The following EXOC6 variants were observed in gnomAD, a reference collection of about 807,000 sequenced individuals.
EXOC6 encodes SEC15-like 1.
EXOC6 carries 60 observed loss-of-function variants against 112.5 expected under a neutral mutation model. That is an observed-to-expected ratio of 0.53 (90% CI 0.43 to 0.66). The LOEUF is 0.66. EXOC6 is among the 30% of genes least tolerant of loss of function. The probability of loss-of-function intolerance (pLI) is 0.00; values close to 1 mark genes in which losing one functional copy is unlikely to be tolerated. For synonymous variants in EXOC6, 295 were observed against 308.0 expected (o/e 0.96, Z 0.44); for missense variants, 855 against 957.1 (o/e 0.89, Z 1.41).
At chr10:92,956,347 T>C (rs1171037422) in intron 17 of EXOC6, among the ~76,000 whole-genome samples, 1 of 152,128 alleles carries the variant, frequency 6.6e-6, no homozygotes, top group Non-Finnish European at 1.5e-5. Context: ...TGATAAACCA[T>C]GTACTGATCA....
chr10:93,045,990 GATGT>G (rs1161636472), intron 20 of EXOC6, among the ~76,000 whole-genome samples: 7 of 152,300 alleles, frequency 4.6e-5, no homozygotes, highest in African/African-American at 1.7e-4. Context: ...AAAATTCAGA[GATGT>G]CTTAATTACT....
chr10:92,895,699 T>C (rs951926849), intron 4 of EXOC6, among the ~76,000 whole-genome samples: 14 of 151,672 alleles, frequency 9.2e-5, no homozygotes, highest in Non-Finnish European at 1.3e-4. Context: ...TTTATTTATT[T>C]TAATTTTTAA....
chr10:92,832,705 T>A (rs1165046231), upstream of EXOC6, among the ~76,000 whole-genome samples: 1 of 151,510 alleles, frequency 6.6e-6, no homozygotes, highest in Non-Finnish European at 1.5e-5. Context: ...TTTTTTTTTT[T>A]TGGCTGGAGT....
intron 20 of EXOC6, among the ~76,000 whole-genome samples, chr10:93,032,795 A>G (rs1845330342): frequency 6.6e-6 from 1 of 152,196 alleles, no homozygotes; most frequent in African/African-American, 2.4e-5. Flanking sequence ...TGGTATGAGA[A>G]AAATAAAACA....
At chr10:92,848,344 C>T, upstream of EXOC6, 1 of 205,448 alleles carries the variant, frequency 4.9e-6, no homozygotes, top group South Asian at 1.7e-4. Flanking sequence ...GCTCACAGCC[C>T]CCGCTCACTC....
intron 18 of EXOC6, among the ~76,000 whole-genome samples, chr10:92,996,196 A>T (rs780341189): frequency 1.3e-4 from 20 of 152,174 alleles, no homozygotes; most frequent in Non-Finnish European, 2.6e-4. Flanking sequence ...ATTTCTGATG[A>T]TATTCATAGA....
At chr10:92,876,495 AC>A (rs1848692740) in intron 1 of EXOC6, among the ~76,000 whole-genome samples, 1 of 152,214 alleles carries the variant, frequency 6.6e-6, no homozygotes, top group South Asian at 2.1e-4. Flanking sequence ...CAGAGCCTAC[AC>A]TTTTAATCAC....
intron 9 of EXOC6, among the ~76,000 whole-genome samples, chr10:92,933,564 T>C (rs1040737262): frequency 6.6e-6 from 1 of 152,192 alleles, no homozygotes; most frequent in Admixed American, 6.5e-5. Context: ...TTGATCACAT[T>C]CATGAAATTT....
intron 5 of EXOC6, among the ~76,000 whole-genome samples, chr10:92,906,568 A>C (rs1036486295): frequency 6.6e-6 from 1 of 152,194 alleles, no homozygotes; most frequent in Non-Finnish European, 1.5e-5. Context: ...ACCTTGTCAG[A>C]GGTTTAACAT....
At chr10:92,928,830 T>G (rs968328664) in intron 9 of EXOC6, among the ~76,000 whole-genome samples, 1 of 152,238 alleles carries the variant, frequency 6.6e-6, no homozygotes, top group African/African-American at 2.4e-5. Flanking sequence ...GGAACTGTTC[T>G]ATATATTGGT....
At chr10:92,861,391 A>C (rs911527676) in intron 1 of EXOC6, among the ~76,000 whole-genome samples, 3 of 152,310 alleles carry the variant, frequency 2.0e-5, no homozygotes, top group African/African-American at 7.2e-5. Context: ...TGAGCAGGCC[A>C]AAGTGAGGGC....
At chr10:92,933,971 A>G (rs1852208756) in intron 9 of EXOC6, among the ~76,000 whole-genome samples, 173 bp from the exon 10 acceptor site, 1 of 152,142 alleles carries the variant, frequency 6.6e-6, no homozygotes, top group Non-Finnish European at 1.5e-5. Flanking sequence ...TGTACGTTCC[A>G]TGAGAGTAAG....
chr10:93,048,887 A>G (rs1175739127), intron 20 of EXOC6, among the ~76,000 whole-genome samples: 1 of 152,176 alleles, frequency 6.6e-6, no homozygotes, highest in African/African-American at 2.4e-5. Flanking sequence ...CAATTGCCAA[A>G]AGAATTATTT....
chr10:92,942,614 G>A (rs1852728121), intron 13 of EXOC6, among the ~76,000 whole-genome samples: 1 of 152,106 alleles, frequency 6.6e-6, no homozygotes, highest in Non-Finnish European at 1.5e-5. Flanking sequence ...AGCATTTATT[G>A]ATAAAGATGG....
chr10:92,848,438 G>GCCCCCC, upstream of EXOC6: 13 of 196,084 alleles, frequency 6.6e-5, no homozygotes, highest in Non-Finnish European at 1.1e-4. Flanking sequence ...CGAGCGCCCC[G>GCCCCCC]CCCCCGCCCC....
intron 4 of EXOC6, among the ~76,000 whole-genome samples, chr10:92,897,221 G>A (rs897774709): frequency 4.6e-5 from 7 of 152,174 alleles, no homozygotes; most frequent in South Asian, 4.1e-4. Context: ...GAGGTCAGCC[G>A]TTTGTTACTG....
At chr10:92,831,936 A>G (rs1322794459), upstream of EXOC6, among the ~76,000 whole-genome samples, 1 of 152,210 alleles carries the variant, frequency 6.6e-6, no homozygotes, top group Non-Finnish European at 1.5e-5. Context: ...TTCAAAATTA[A>G]AATTTGTGCT....
chr10:92,917,426 GA>G lies in EXOC6; in HGVS notation c.819+1524del, dbSNP rs11393322. Among the ~76,000 whole-genome samples the G allele has an allele frequency of 2.8e-3, 415 of 147,048 alleles. 2 individuals carry two copies. Among genetic ancestry groups the G allele is most frequent in the African/African-American group, 8.5e-3 (344 of 40,570 alleles). On this transcript the variant is annotated intron_variant, in intron 7 of 21. Transcript: ENST00000260762. ...CTCTACTATGATTAGTCTTTTAATGGAAAAAAAAAAAGTTCTAGTAAGTCTA... is the reference window on the plus strand; with the variant it reads ...CTCTACTATGATTAGTCTTTTAATGGAAAAAAAAAAGTTCTAGTAAGTCTA...
At chr10:92,979,554 T>C (rs1162679074) in intron 18 of EXOC6, among the ~76,000 whole-genome samples, 1 of 152,170 alleles carries the variant, frequency 6.6e-6, no homozygotes, top group Non-Finnish European at 1.5e-5. Flanking sequence ...TGGAAACCTG[T>C]AGGATTTGGA....
Sources: gnomAD v4.1 joint callset for allele counts (sites outside exome capture counted in the v4.1 genomes callset) on GRCh38, gnomAD v4.1.1 for gene constraint, MANE v1.5 for transcripts, NCBI Gene and HGNC (gene_info 2026-07-23, HGNC 2026-07-21) for gene names.